The following ALG9 variants were observed in gnomAD, a reference collection of about 807,000 sequenced individuals.
ALG9 encodes the protein ALG9 alpha-1,2-mannosyltransferase.
A neutral mutation model predicts 81.8 loss-of-function variants in ALG9; 55 were observed. That is an observed-to-expected ratio of 0.67 (90% confidence interval 0.54 to 0.84). The LOEUF is 0.84. ALG9 is among the 40% of genes least tolerant of loss of function. ALG9 has a pLI of 0.00. For missense variants in ALG9, 629 were observed against 745.0 expected, an observed-to-expected ratio of 0.84 and a Z score of 1.81; for synonymous variants, 278 against 274.3, an observed-to-expected ratio of 1.01 and a Z score of -0.13.
intron 13 of ALG9, among the ~76,000 whole-genome samples, chr11:111,819,399 C>A (rs150340876): frequency 2.6e-5 from 4 of 152,254 alleles, no homozygotes; most frequent in Non-Finnish European, 5.9e-5. Context: ...CATCTCCACA[C>A]AGAAGACAGA....
chr11:111,791,666 T>C (rs1448072495), intron 14 of ALG9, among the ~76,000 whole-genome samples: 3 of 152,350 alleles, frequency 2.0e-5, no homozygotes, highest in African/African-American at 7.2e-5. Flanking sequence ...CAGGTCCTTT[T>C]CAGTTCTTCA....
chr11:111,796,983 G>C (rs1166893496), intron 14 of ALG9, among the ~76,000 whole-genome samples: 1 of 152,208 alleles, frequency 6.6e-6, no homozygotes. Flanking sequence ...AGAAGTTGCA[G>C]ATGGAAAAAG....
At chr11:111,865,364 T>C in intron 3 of ALG9, 113 bp from the exon 4 acceptor site, 1 of 802,966 alleles carries the variant, frequency 1.2e-6, no homozygotes, top group Middle Eastern at 3.7e-4. Flanking sequence ...GTATAATTCT[T>C]TTGAAAAGCA....
At chr11:111,839,370 G>C (rs1955843890) in intron 10 of ALG9, among the ~76,000 whole-genome samples, 1 of 152,042 alleles carries the variant, frequency 6.6e-6, no homozygotes, top group African/African-American at 2.4e-5. Context: ...AGGATCACAA[G>C]GTCATGAGAT....
At chr11:111,853,531 A>G in intron 7 of ALG9, 46 bp from the exon 8 acceptor site, 1 of 1,577,804 alleles carries the variant, frequency 6.3e-7, no homozygotes, top group Non-Finnish European at 8.7e-7. Flanking sequence ...CATTCTCAAA[A>G]TGCTAATAGG....
chr11:111,820,337 G>A (rs1045868687), intron 13 of ALG9, among the ~76,000 whole-genome samples: 7 of 152,214 alleles, frequency 4.6e-5, no homozygotes, highest in African/African-American at 1.7e-4. Flanking sequence ...ACAAAATCAA[G>A]GTGCCGGCGC....
intron 13 of ALG9, chr11:111,828,929 A>C (rs1471705857): frequency 6.6e-6 from 1 of 152,166 alleles, no homozygotes; most frequent in Non-Finnish European, 1.5e-5. Context: ...TCTTTACAAG[A>C]TCTGGATCAT....
intron 5 of ALG9, among the ~76,000 whole-genome samples, chr11:111,859,490 C>T (rs1198135947): frequency 4.5e-5 from 4 of 88,744 alleles, no homozygotes; most frequent in East Asian, 9.0e-4. Flanking sequence ...GCAAACAGAG[C>T]GAGACTCTTG....
At chr11:111,796,582 C>A (rs782726209) in intron 14 of ALG9, among the ~76,000 whole-genome samples, 1 of 152,112 alleles carries the variant, frequency 6.6e-6, no homozygotes, top group African/African-American at 2.4e-5. Flanking sequence ...TGAATAATGG[C>A]AAAACACCAT....
chr11:111,801,622 G>C lies in ALG9; in HGVS notation c.1733+8021C>G, dbSNP rs145807119. Among the ~76,000 whole-genome samples the C allele has an allele frequency of 1.2e-3, 186 of 152,298 alleles. 4 individuals carry two copies. The East Asian group carries it at 0.029, about 24-fold the overall frequency. On this transcript the variant is annotated intron_variant, in intron 14 of 14. Coordinates refer to ENST00000616540, the MANE Select transcript of ALG9 (RefSeq NM_024740.2). ...TTTTGGAATCAGAATGGTATGAACA[G>C]CAAGTGGCCAGGATTAAATTCACAG...
intron 12 of ALG9, chr11:111,836,785 GT>G (rs1344773528): frequency 5.6e-6 from 1 of 178,706 alleles, no homozygotes; most frequent in Non-Finnish European, 1.2e-5. Context: ...TAAAAAACAA[GT>G]TTTAATTTAA....
chr11:111,788,491 C>A (rs1226848535), intron 14 of ALG9: 5 of 453,336 alleles, frequency 1.1e-5, no homozygotes, highest in Admixed American at 2.4e-5. Context: ...GGCCTGTAAT[C>A]CCAATATTTT....
chr11:111,816,967 G>A (rs74591382), intron 13 of ALG9, among the ~76,000 whole-genome samples: 2 of 152,182 alleles, frequency 1.3e-5, no homozygotes, highest in East Asian at 3.9e-4. Flanking sequence ...GAGATCACTG[G>A]AGGCTACAGT....
intron 13 of ALG9, among the ~76,000 whole-genome samples, chr11:111,821,082 C>T (rs1208337876): frequency 6.6e-6 from 1 of 152,046 alleles, no homozygotes; most frequent in East Asian, 1.9e-4. Context: ...GGCAAGAGTG[C>T]GAGACCTTGT....
chr11:111,820,879 C>G (rs567661432), intron 13 of ALG9, among the ~76,000 whole-genome samples: 174 of 151,698 alleles, frequency 1.1e-3, no homozygotes, highest in Non-Finnish European at 2.8e-4. Flanking sequence ...GGTTCAAGAC[C>G]AGCCTGGGAA....
At chr11:111,770,437 A>T in the ALG9 span, among the ~76,000 whole-genome samples, 1 of 152,234 alleles carries the variant, frequency 6.6e-6, no homozygotes, top group African/African-American at 2.4e-5. Context: ...CTTATCAATA[A>T]GCAATTCTGA....
At chr11:111,834,701 A>AT (rs1555115936) in intron 13 of ALG9, among the ~76,000 whole-genome samples, 2 of 152,264 alleles carry the variant, frequency 1.3e-5, no homozygotes, top group East Asian at 3.9e-4. Context: ...CTCCGATAAC[A>AT]TCACTCTGAA....
intron 5 of ALG9, 56 bp from the exon 6 acceptor site, chr11:111,857,793 G>A: frequency 6.3e-7 from 1 of 1,599,558 alleles, no homozygotes; most frequent in African/African-American, 1.3e-5. Context: ...AGGTTAATTA[G>A]GTATCAATTA....
chr11:111,868,462 G>A, intron 3 of ALG9, 140 bp downstream of exon 3: 1 of 1,084,474 alleles, frequency 9.2e-7, no homozygotes, highest in South Asian at 1.8e-5. Context: ...AATGCTTGTT[G>A]AATGGTGAAT....
Sources: allele counts gnomAD v4.1 joint callset (sites outside exome capture counted in the v4.1 genomes callset), GRCh38; gene constraint gnomAD v4.1.1; transcripts MANE v1.5; gene names NCBI Gene and HGNC (gene_info 2026-07-23, HGNC 2026-07-21).